Variants in LETM1 observed in about 807,000 individuals in gnomAD.
The protein encoded by LETM1 is mitochondrial proton/calcium exchanger protein.
Under a neutral mutation model 74.5 loss-of-function variants are expected in LETM1, and 50 were observed. The ratio of observed to expected loss-of-function variants is 0.67; its 90% CI spans 0.53 to 0.85. The LOEUF is 0.85. Ranked by LOEUF, LETM1 falls within the 40% of genes least tolerant of loss-of-function variation. The pLI is 0.00. For missense variants in LETM1, 824 were observed against 967.8 expected (o/e 0.85, Z 1.97); for synonymous variants, 446 against 407.1 (o/e 1.10, Z -1.15).
intron 1 of LETM1, among the ~76,000 whole-genome samples, chr4:1,850,920 G>C (rs539364306): frequency 6.9e-6 from 1 of 145,026 alleles, no homozygotes; most frequent in Admixed American, 6.9e-5. Flanking sequence ...AGTGAGCTGA[G>C]ATCGCGCCAT....
rs1355435925 is a variant in LETM1 at position 1,812,378 on chromosome 4, A to G, written c.*2046T>C. 27 of 150,796 alleles carry G rather than the reference A, an allele frequency of 1.8e-4. 2 individuals carry two copies. The highest frequency in any genetic ancestry group is 5.8e-4 in the African/African-American group (24 of 41,144). The allele number at this position is 150,796 out of a possible 1,614,324, so 9.3% of individuals were successfully genotyped here. A position where few individuals can be genotyped will look rare whatever the true frequency, so the allele number is the denominator to read the frequency against. Reference sequence around the variant, plus strand: ...AGACTCTGTATCAAAAAAAAAAAAAAAAAAAAAAAAAAGTGAGTGCTTAGC... The same window carrying G: ...AGACTCTGTATCAAAAAAAAAAAAAGAAAAAAAAAAAAGTGAGTGCTTAGC... On this transcript the variant is annotated 3_prime_UTR_variant, in exon 14 of 14. Coordinates refer to ENST00000302787, the MANE Select transcript of LETM1 (RefSeq NM_012318.3).
In LETM1 at chr4:1,814,201, C is replaced by CA; in HGVS notation, c.*222dup. 1 of 732,958 alleles carries CA rather than the reference C, an allele frequency of 1.4e-6. No individual in the cohort carries two copies. Among genetic ancestry groups the CA allele is most frequent in the Non-Finnish European group, 2.2e-6 (1 of 460,784 alleles). 45.4% of individuals were successfully genotyped at this position (732,958 alleles called of 1,614,324 possible). A position where few individuals can be genotyped will look rare whatever the true frequency, so the allele number is the denominator to read the frequency against. Reference sequence around the variant, plus strand: ...CCAGGAGGCCGTGGCAGCCACACCACAGTGTGGATCCAGACACGATTCTGT... The same window carrying CA: ...CCAGGAGGCCGTGGCAGCCACACCACAAGTGTGGATCCAGACACGATTCTGT... On this transcript the variant is annotated 3_prime_UTR_variant, in exon 14 of 14. Coordinates refer to ENST00000302787, the MANE Select transcript of LETM1 (RefSeq NM_012318.3).
chr4:1,850,469 GAGCA>G lies in LETM1; in HGVS notation c.83-1264_83-1261del, dbSNP rs1577328747. Among the ~76,000 whole-genome samples, 3 of 152,090 alleles carry G rather than the reference GAGCA, an allele frequency of 2.0e-5. No individual in the cohort carries two copies. In the East Asian group the frequency reaches 5.8e-4, roughly 29 times the overall value. On this transcript the variant is annotated intron_variant, in intron 1 of 13. Transcript: ENST00000302787. ...TGACCTCTATGCAGACAGCCCTATA[GAGCA>G]AGCAATGATCCCAAGGGGCAAGAGC...
At position 1,836,404 on chromosome 4, in the gene LETM1, C is replaced by T. The variant is rs372516099; in HGVS notation, c.738+25G>A. On this transcript the variant is annotated intron_variant, in intron 4 of 13. Coordinates refer to ENST00000302787, the MANE Select transcript of LETM1 (RefSeq NM_012318.3). This position sits in a 1 kb window ranked among gnomAD's most constrained non-coding sequence, Gnocchi z 5.8. ...AATGAATTTCAGACTCATTCTAAAA[C>T]AAGCAGTTGGGATGCTGCCCTTACC... The T allele has an allele frequency of 6.8e-6, 11 of 1,612,122 alleles. No homozygotes were observed. In the South Asian group the frequency reaches 7.7e-5, roughly 11 times the overall value.
chr4:1,826,682 C>T (rs767975946), intron 6 of LETM1, among the ~76,000 whole-genome samples: 6 of 152,246 alleles, frequency 3.9e-5, no homozygotes, highest in East Asian at 1.9e-4. Flanking sequence ...CTGCAGCATG[C>T]GTGCCCTCCT....
chr4:1,811,977 T>C lies in LETM1; in HGVS notation c.*2447A>G. ...ACTTTGGGAGGCCGAGGTGAGTAGATCACGAAGTCAGGAGATCGAGACCAT... is the reference window on the plus strand; with the variant it reads ...ACTTTGGGAGGCCGAGGTGAGTAGACCACGAAGTCAGGAGATCGAGACCAT... On this transcript the variant is annotated 3_prime_UTR_variant, in exon 14 of 14. Coordinates refer to ENST00000302787, the MANE Select transcript of LETM1 (RefSeq NM_012318.3). The C allele has an allele frequency of 6.6e-6, 1 of 152,110 alleles. No homozygotes were observed. Among genetic ancestry groups the C allele is most frequent in the Non-Finnish European group, 1.5e-5 (1 of 68,022 alleles). The allele number at this position is 152,110 out of a possible 1,614,324, so 9.4% of individuals were successfully genotyped here. A position where few individuals can be genotyped will look rare whatever the true frequency, so the allele number is the denominator to read the frequency against.
chr4:1,815,239 G>A (rs988681174), intron 13 of LETM1, among the ~76,000 whole-genome samples: 1 of 152,292 alleles, frequency 6.6e-6, no homozygotes, highest in South Asian at 2.1e-4. Context: ...CCTTGGGGCG[G>A]TGCCCAAGCT....
intron 1 of LETM1, among the ~76,000 whole-genome samples, chr4:1,850,893 C>T (rs1318808463): frequency 1.4e-5 from 2 of 147,458 alleles, no homozygotes; most frequent in African/African-American, 2.5e-5. Context: ...CTGAACCCTC[C>T]GGGAGGCAGA....
At chr4:1,815,263 CCT>C (rs1711526629) in intron 13 of LETM1, among the ~76,000 whole-genome samples, 2 of 152,292 alleles carry the variant, frequency 1.3e-5, no homozygotes, top group South Asian at 4.1e-4. Flanking sequence ...CCGCGGCTCC[CCT>C]GTGTAGTTGC....
At chr4:1,847,114 T>A (rs1398869693) in intron 2 of LETM1, among the ~76,000 whole-genome samples, 1 of 152,056 alleles carries the variant, frequency 6.6e-6, no homozygotes, top group South Asian at 2.1e-4. Flanking sequence ...GGAGGACTGC[T>A]TGAGTCCAGG....
At position 1,855,974 on chromosome 4, in the gene LETM1, C is replaced by A; in HGVS notation, c.-24G>T. ...ATGTGCTCGGGCGCGGCGGCCGCTC[C>A]GGCCTCCTGCGCTGCCTCCTTCTCC... On this transcript the variant is annotated 5_prime_UTR_variant, in exon 1 of 14. Coordinates refer to ENST00000302787, the MANE Select transcript of LETM1 (RefSeq NM_012318.3). The A allele has an allele frequency of 8.3e-7, 1 of 1,197,958 alleles. No individual in the cohort carries two copies. The highest frequency in any genetic ancestry group is 4.0e-5 in the South Asian group (1 of 24,886). 74.2% of individuals were successfully genotyped at this position (1,197,958 alleles called of 1,614,324 possible).
At chr4:1,855,826 AC>A in intron 1 of LETM1, 42 bp downstream of exon 1, 2 of 1,143,290 alleles carry the variant, frequency 1.7e-6, no homozygotes, top group South Asian at 4.2e-5. Flanking sequence ...CTCCCGACCC[AC>A]CAGCCGGGAG....
chr4:1,841,720 G>A lies in LETM1; in HGVS notation c.221C>T (p.Ala74Val), dbSNP rs1262567707. The A allele has an allele frequency of 3.1e-6, 5 of 1,614,176 alleles. No homozygotes were observed. In the South Asian group the frequency reaches 4.4e-5, roughly 14 times the overall value. ...SSRGDHLGCW[A>V]LRPECLRIVS... ...TATGCGAAGGCACTCGGGCCTCAGA[G>A]CCCAACAGCCGAGGTGATCGCCTCT... Residue 74 changes from alanine (A) to valine (V), a missense_variant, in exon 3 of 14, where the codon GCT becomes GTT. Coordinates refer to ENST00000302787, the MANE Select transcript of LETM1 (RefSeq NM_012318.3).
At position 1,814,079 on chromosome 4, in the gene LETM1, C is replaced by A; in HGVS notation, c.*345G>T. ...GCGGAGTCCACGTGGTCCTCATTCT[C>A]TTCCCTGGGGACAGGGCAGCACAGT... On this transcript the variant is annotated 3_prime_UTR_variant, in exon 14 of 14. Transcript: ENST00000302787. 3.3e-6 allele frequency: 1 copy of A among 302,062 alleles called. No individual in the cohort carries two copies. Among genetic ancestry groups the A allele is most frequent in the Non-Finnish European group, 6.4e-6 (1 of 156,526 alleles). The allele number at this position is 302,062 out of a possible 1,614,324, so 18.7% of individuals were successfully genotyped here. A position where few individuals can be genotyped will look rare whatever the true frequency, so the allele number is the denominator to read the frequency against.
Position 1,814,221 on chromosome 4 carries a change from T to G in LETM1, c.*203A>C. ...CACCACAGTGTGGATCCAGACACGA[T>G]TCTGTGGAGGGGTTCCGGGATTCCA... On this transcript the variant is annotated 3_prime_UTR_variant, in exon 14 of 14. Transcript: ENST00000302787. The G allele has an allele frequency of 2.4e-6, 2 of 838,622 alleles. No homozygotes were observed. Among genetic ancestry groups the G allele is most frequent in the African/African-American group, 1.7e-5 (1 of 58,884 alleles). The allele number at this position is 838,622 out of a possible 1,614,324, so 51.9% of individuals were successfully genotyped here.
intron 2 of LETM1, among the ~76,000 whole-genome samples, chr4:1,843,591 C>T (rs1051057154): frequency 2.6e-5 from 4 of 152,234 alleles, no homozygotes; most frequent in African/African-American, 7.2e-5. Flanking sequence ...ACTAACCTCA[C>T]GGAGAGGTTC....
chr4:1,855,908 C>A lies in LETM1; in HGVS notation c.43G>T (p.Ala15Ser). 8.1e-7 allele frequency: 1 copy of A among 1,237,628 alleles called. No individual in the cohort carries two copies. The highest frequency in any genetic ancestry group is 1.0e-6 in the Non-Finnish European group (1 of 993,282). The allele number at this position is 1,237,628 out of a possible 1,614,324, so 76.7% of individuals were successfully genotyped here. The change falls in exon 1 of 14, where the codon GCC (alanine) becomes TCC (serine). Residue 15 changes from alanine to serine, a missense_variant. This residue lies in a region of LETM1 where 222 missense variants were observed against 195.6 expected (regional missense o/e 1.14). Coordinates refer to ENST00000302787, the MANE Select transcript of LETM1 (RefSeq NM_012318.3). ...TACCGAGGCGGCGGCGGGAGGCGGG[C>A]GGGCGCCCGGCCGCGGCAGCTCCTC... Reference protein sequence around the residue: ...LLRSCRGRAPARLPPPPRYTV... With the variant: ...LLRSCRGRAPSRLPPPPRYTV...
intron 6 of LETM1, 136 bp from the exon 7 acceptor site, chr4:1,825,819 C>T (rs1577314320): frequency 1.9e-6 from 2 of 1,048,582 alleles, no homozygotes; most frequent in East Asian, 5.3e-5. Flanking sequence ...AAGCCCAGTT[C>T]TAGGTTAGAA....
At chr4:1,818,501 T>A (rs1711656466) in intron 11 of LETM1, among the ~76,000 whole-genome samples, 2 of 150,988 alleles carry the variant, frequency 1.3e-5, no homozygotes, top group Admixed American at 1.3e-4. Flanking sequence ...TAGTCCCAGC[T>A]ACTCAGGAGG....
Sources: allele counts gnomAD v4.1 joint callset (sites outside exome capture counted in the v4.1 genomes callset), GRCh38; gene constraint gnomAD v4.1.1; regional missense constraint gnomAD v4.1.1; non-coding constraint Gnocchi (gnomAD v3.1); transcripts MANE v1.5; gene names NCBI Gene and HGNC (gene_info 2026-07-23, HGNC 2026-07-21).